The following BRINP3 variants were observed in gnomAD, a reference collection of about 807,000 sequenced individuals.
BRINP3 encodes BMP/retinoic acid inducible neural specific 3.
In BRINP3, 19 loss-of-function variants were observed where a neutral mutation model predicts 71.0. The ratio of observed to expected loss-of-function variants is 0.27; its 90% CI spans 0.19 to 0.39. The LOEUF is 0.39. BRINP3 is among the 10% of genes least tolerant of loss of function. The probability of loss-of-function intolerance (pLI) is 1.00; values close to 1 mark genes in which losing one functional copy is unlikely to be tolerated. For missense variants in BRINP3, 959 were observed against 940.8 expected (o/e 1.02, Z -0.25); for synonymous variants, 380 against 337.7 (o/e 1.13, Z -1.37).
At chr1:190,161,358 GT>G (rs1402795080) in intron 6 of BRINP3, among the ~76,000 whole-genome samples, 1 of 151,296 alleles carries the variant, frequency 6.6e-6, no homozygotes, top group Non-Finnish European at 1.5e-5. Context: ...AATTGTATCA[GT>G]TTTTAAAGAA....
At chr1:190,262,102 A>G (rs1446808099) in intron 4 of BRINP3, among the ~76,000 whole-genome samples, 2 of 152,182 alleles carry the variant, frequency 1.3e-5, no homozygotes, top group African/African-American at 2.4e-5. Context: ...ACAAAATTGC[A>G]CAGACACATC....
At chr1:190,409,348 TA>T (rs1672507682) in intron 2 of BRINP3, among the ~76,000 whole-genome samples, 1 of 152,152 alleles carries the variant, frequency 6.6e-6, no homozygotes, top group South Asian at 2.1e-4. Context: ...GCCTGTAGGT[TA>T]AAAAATATTA....
chr1:190,373,434 A>ATG (rs71123087), intron 2 of BRINP3, among the ~76,000 whole-genome samples: 3,668 of 143,854 alleles, frequency 0.025, 67 homozygotes, highest in South Asian at 0.11. Context: ...ATATATATAT[A>ATG]TGTGTGTGTG....
intron 6 of BRINP3, among the ~76,000 whole-genome samples, chr1:190,204,359 A>G (rs964056370): frequency 6.6e-6 from 1 of 151,972 alleles, no homozygotes; most frequent in Admixed American, 6.6e-5. Flanking sequence ...TATAAAATGG[A>G]AAGAAAGGAT....
At chr1:190,410,305 G>T (rs1672578668) in intron 2 of BRINP3, among the ~76,000 whole-genome samples, 1 of 152,070 alleles carries the variant, frequency 6.6e-6, no homozygotes. Flanking sequence ...TGATCAACTA[G>T]ATGAATATTA....
At chr1:190,322,966 A>G (rs1258740567) in intron 2 of BRINP3, among the ~76,000 whole-genome samples, 1 of 151,966 alleles carries the variant, frequency 6.6e-6, no homozygotes, top group Non-Finnish European at 1.5e-5. Flanking sequence ...TACACATTCA[A>G]AGCGCAGAAG....
chr1:190,256,604 TG>T (rs1660684886), intron 4 of BRINP3, among the ~76,000 whole-genome samples: 1 of 152,198 alleles, frequency 6.6e-6, no homozygotes, highest in Non-Finnish European at 1.5e-5. Context: ...CAATTTGGCA[TG>T]TTTTGCAGTG....
At chr1:190,353,099 G>A (rs188778605) in intron 2 of BRINP3, among the ~76,000 whole-genome samples, 2 of 151,136 alleles carry the variant, frequency 1.3e-5, no homozygotes, top group African/African-American at 4.9e-5. Flanking sequence ...AATGATATAT[G>A]CAGGCTCTCA....
intron 6 of BRINP3, among the ~76,000 whole-genome samples, chr1:190,177,913 T>C (rs1652688474): frequency 6.6e-6 from 1 of 152,224 alleles, no homozygotes; most frequent in South Asian, 2.1e-4. Flanking sequence ...GTACAAACTT[T>C]TTTCTTGTCA....
intron 7 of BRINP3, among the ~76,000 whole-genome samples, chr1:190,140,301 C>A (rs1227179937): frequency 2.0e-5 from 3 of 151,992 alleles, no homozygotes; most frequent in South Asian, 4.1e-4. Flanking sequence ...TTTAAATATA[C>A]TTGTATTATT....
rs373770252 is a variant in BRINP3 at position 190,320,951 on chromosome 1, T to C, written c.237-39201A>G. ...GTGTGTGTTTGTATATATGTATATA[T>C]GTTATATATATATACACACACACAC... On this transcript the variant is annotated intron_variant, in intron 2 of 7. Coordinates refer to ENST00000367462, the MANE Select transcript of BRINP3 (RefSeq NM_199051.3). 2.6e-5 allele frequency among the ~76,000 whole-genome samples: 4 copies of C among 151,990 alleles called. No individual in the cohort carries two copies. In the East Asian group the frequency reaches 5.8e-4, roughly 22 times the overall value.
intron 6 of BRINP3, among the ~76,000 whole-genome samples, chr1:190,179,696 G>A (rs1365107456): frequency 1.3e-5 from 2 of 152,112 alleles, no homozygotes; most frequent in Non-Finnish European, 2.9e-5. Flanking sequence ...TGCATATAAA[G>A]TGAATAGTCT....
intron 1 of BRINP3, among the ~76,000 whole-genome samples, chr1:190,461,860 A>C (rs1430945362): frequency 6.6e-6 from 1 of 152,198 alleles, no homozygotes; most frequent in Non-Finnish European, 1.5e-5. Flanking sequence ...TTTTAAGACC[A>C]GATTGTAAAC....
At chr1:190,120,545 G>C (rs1653553743) in intron 7 of BRINP3, among the ~76,000 whole-genome samples, 1 of 151,856 alleles carries the variant, frequency 6.6e-6, no homozygotes, top group African/African-American at 2.4e-5. Context: ...GCCCAGGCTA[G>C]AGTGCAGTGG....
chr1:190,160,154 T>C (rs939382172), intron 7 of BRINP3, among the ~76,000 whole-genome samples: 7 of 152,104 alleles, frequency 4.6e-5, no homozygotes, highest in Admixed American at 4.6e-4. Context: ...CAGACACAAA[T>C]AATTTAATTG....
intron 2 of BRINP3, among the ~76,000 whole-genome samples, chr1:190,332,632 T>C (rs895912344): frequency 1.3e-5 from 2 of 151,988 alleles, no homozygotes; most frequent in African/African-American, 4.8e-5. Context: ...TTTCTTTTAT[T>C]CATATGTTCC....
chr1:190,302,009 G>T (rs1281334552), intron 2 of BRINP3, among the ~76,000 whole-genome samples: 1 of 151,322 alleles, frequency 6.6e-6, no homozygotes, highest in Non-Finnish European at 1.5e-5. Flanking sequence ...TATTTTCTGA[G>T]TACTTTTATG....
At chr1:190,201,833 C>A (rs1412750863) in intron 6 of BRINP3, among the ~76,000 whole-genome samples, 12 of 152,286 alleles carry the variant, frequency 7.9e-5, no homozygotes, top group Admixed American at 7.9e-4. Flanking sequence ...GGAACCTCTG[C>A]CTAGATTTCA....
rs762516788 is a variant in BRINP3 at position 190,454,770 on chromosome 1, T to C, written c.121A>G (p.Thr41Ala). 1.5e-5 allele frequency: 25 copies of C among 1,614,060 alleles called. No individual in the cohort carries two copies. Among genetic ancestry groups the C allele is most frequent in the Non-Finnish European group, 2.1e-5 (25 of 1,180,028 alleles). ...GAGAGGAGCCAGTCGAAGGGGCTTGTGGCATGCTGATCCGAAACAGCAGCA... is the reference window on the plus strand; with the variant it reads ...GAGAGGAGCCAGTCGAAGGGGCTTGCGGCATGCTGATCCGAAACAGCAGCA... ...AVAAVSDQHATSPFDWLLSDK... is the reference protein window; with the variant it reads ...AVAAVSDQHAASPFDWLLSDK... The change falls in exon 2 of 8, where the codon ACA becomes GCA. Residue 41 changes from threonine to alanine, a missense_variant. Transcript: ENST00000367462.
Sources: allele counts gnomAD v4.1 joint callset (sites outside exome capture counted in the v4.1 genomes callset), GRCh38; gene constraint gnomAD v4.1.1; transcripts MANE v1.5; gene names NCBI Gene and HGNC (gene_info 2026-07-23, HGNC 2026-07-21).